Variants in SYNPR observed in about 807,000 individuals in gnomAD.
The protein encoded by SYNPR is synaptoporin.
Under a neutral mutation model 32.9 loss-of-function variants are expected in SYNPR, and 23 were observed. The observed-to-expected ratio is 0.70, with a 90% CI of 0.50 to 0.99. The LOEUF (loss-of-function observed/expected upper bound fraction) is 0.99. Among genes scored for constraint, SYNPR ranks in the 50% least tolerant of loss-of-function variants. The pLI is 0.00. For missense variants in SYNPR, 318 were observed against 349.3 expected, an observed-to-expected ratio of 0.91 and a Z score of 0.71; for synonymous variants, 146 against 135.9, an observed-to-expected ratio of 1.07 and a Z score of -0.52.
intron 2 of SYNPR, among the ~76,000 whole-genome samples, chr3:63,357,422 C>G (rs1389326072): frequency 1.3e-5 from 2 of 152,170 alleles, no homozygotes; most frequent in Admixed American, 6.5e-5. Flanking sequence ...TCCATCTCAG[C>G]TAGCCATGAG....
Position 63,556,601 on chromosome 3 carries a change from G to A in SYNPR, c.268G>A (p.Ala90Thr). The A allele has an allele frequency of 2.5e-6, 4 of 1,613,776 alleles. No homozygotes were observed. The highest frequency in any genetic ancestry group is 3.4e-6 in the Non-Finnish European group (4 of 1,179,790). Residue 90 changes from alanine (A) to threonine (T), a missense_variant, in exon 4 of 6, where the codon GCA (alanine) becomes ACA (threonine). By Grantham distance (58) the Ala-to-Thr change is moderately conservative. Transcript: ENST00000478300. ...CGAGGGAAAGGAACGGCAGAAGCTG[G>A]CATTGATTGGTGACTCCTCGTCTTC... ...TCEGKERQKL[A>T]LIGDSSSSAE... is the part of the protein sequence containing the mutation.
the SYNPR span, among the ~76,000 whole-genome samples, chr3:63,220,577 CACTTTCTGTGGG>C: frequency 6.6e-6 from 1 of 152,158 alleles, no homozygotes; most frequent in East Asian, 1.9e-4. Context: ...CTTTCCTGGT[CACTTTCTGTGGG>C]ATTTCTGGTG....
Position 63,586,597 on chromosome 3 carries a change from T to C in SYNPR, c.409-22528T>C, listed in dbSNP as rs189191422. Among the ~76,000 whole-genome samples, 351 of 151,930 alleles carry C rather than the reference T, an allele frequency of 2.3e-3. 2 individuals are homozygous for C. The highest frequency in any genetic ancestry group is 7.6e-3 in the African/African-American group (317 of 41,484). On this transcript the variant is annotated intron_variant, in intron 4 of 5. Transcript: ENST00000478300. Reference sequence around the variant, plus strand: ...GCCGATATTTGAGGCCTAATGATTTTTCCTTTAAGCGTCTCTACCAAATGT... The same window carrying C: ...GCCGATATTTGAGGCCTAATGATTTCTCCTTTAAGCGTCTCTACCAAATGT...
At chr3:63,455,165 C>A (rs1210207998) in intron 2 of SYNPR, among the ~76,000 whole-genome samples, 6 of 152,058 alleles carry the variant, frequency 3.9e-5, no homozygotes, top group Non-Finnish European at 8.8e-5. Flanking sequence ...TTACCTCTCT[C>A]CTTATTCTCT....
At chr3:63,341,455 T>C (rs1205081437) in intron 2 of SYNPR, among the ~76,000 whole-genome samples, 1 of 152,206 alleles carries the variant, frequency 6.6e-6, no homozygotes, top group Non-Finnish European at 1.5e-5. Context: ...GACTGTACCA[T>C]TTTGTGTCTC....
At chr3:63,341,541 A>G (rs2087370986) in intron 2 of SYNPR, among the ~76,000 whole-genome samples, 1 of 152,168 alleles carries the variant, frequency 6.6e-6, no homozygotes, top group South Asian at 2.1e-4. Flanking sequence ...TTGGATTTTA[A>G]CCACTCTAAT....
Position 63,495,659 on chromosome 3 carries a change from T to A in SYNPR, c.209+14703T>A, listed in dbSNP as rs188331490. On this transcript the variant is annotated intron_variant, in intron 3 of 5. Coordinates refer to ENST00000478300, the MANE Select transcript of SYNPR (RefSeq NM_001130003.2). ...TGTTTAAGTTAAATTTTCTGTTGTT[T>A]ATAACCACATTTTAAAATATCCTTT... Among the ~76,000 whole-genome samples, 261 of 152,356 alleles carry A rather than the reference T, an allele frequency of 1.7e-3. 2 individuals carry two copies. Among genetic ancestry groups the A allele is most frequent in the African/African-American group, 6.0e-3 (250 of 41,584 alleles).
At chr3:63,264,084 T>C (rs1214877515) in intron 2 of SYNPR, among the ~76,000 whole-genome samples, 1 of 152,204 alleles carries the variant, frequency 6.6e-6, no homozygotes, top group East Asian at 1.9e-4. Flanking sequence ...TGGGTCTTTC[T>C]GTCTCCACAA....
At chr3:63,491,543 G>C (rs1701256721) in intron 3 of SYNPR, among the ~76,000 whole-genome samples, 1 of 151,732 alleles carries the variant, frequency 6.6e-6, no homozygotes, top group African/African-American at 2.4e-5. Flanking sequence ...TTTTTTTTGA[G>C]ACAGTCTTGC....
At chr3:63,321,400 C>T (rs578253304) in intron 2 of SYNPR, among the ~76,000 whole-genome samples, 2 of 151,920 alleles carry the variant, frequency 1.3e-5, no homozygotes, top group Non-Finnish European at 2.9e-5. Flanking sequence ...TTGTGAGGGT[C>T]AAATATTCCC....
At chr3:63,350,465 A>C (rs916565910) in intron 2 of SYNPR, among the ~76,000 whole-genome samples, 1 of 152,132 alleles carries the variant, frequency 6.6e-6, no homozygotes, top group Non-Finnish European at 1.5e-5. Flanking sequence ...TCGTGATAGG[A>C]GGAGAAAGAA....
At chr3:63,358,561 C>T (rs1276999268) in intron 2 of SYNPR, among the ~76,000 whole-genome samples, 2 of 152,044 alleles carry the variant, frequency 1.3e-5, no homozygotes, top group Admixed American at 6.6e-5. Context: ...AGGTTCACAG[C>T]TTTCAGGGAT....
intron 2 of SYNPR, among the ~76,000 whole-genome samples, chr3:63,476,519 C>A (rs924108732): frequency 3.3e-5 from 5 of 152,116 alleles, no homozygotes; most frequent in African/African-American, 1.2e-4. Context: ...ACATGGAGAA[C>A]CTCAGGTCAT....
At chr3:63,372,964 A>G (rs1036837013) in intron 2 of SYNPR, among the ~76,000 whole-genome samples, 4 of 152,134 alleles carry the variant, frequency 2.6e-5, no homozygotes, top group Middle Eastern at 3.2e-3. Flanking sequence ...AAACTTCAAC[A>G]CCAAAAATCC....
intron 3 of SYNPR, among the ~76,000 whole-genome samples, chr3:63,488,850 G>T (rs1380492079): frequency 2.0e-5 from 3 of 150,064 alleles, no homozygotes; most frequent in Non-Finnish European, 4.5e-5. Context: ...CCAAATATGT[G>T]CCATGGCTGC....
intron 2 of SYNPR, among the ~76,000 whole-genome samples, chr3:63,261,042 T>C (rs1374296803): frequency 6.6e-6 from 1 of 152,068 alleles, no homozygotes; most frequent in Non-Finnish European, 1.5e-5. Flanking sequence ...CTTAGAATGG[T>C]GATCATTAAA....
chr3:63,594,048 C>G (rs1575728203), intron 4 of SYNPR, among the ~76,000 whole-genome samples: 1 of 152,152 alleles, frequency 6.6e-6, no homozygotes, highest in African/African-American at 2.4e-5. Context: ...GGTACCCAAC[C>G]TCTCTATTTA....
intron 2 of SYNPR, among the ~76,000 whole-genome samples, chr3:63,361,225 A>G (rs964666439): frequency 6.6e-6 from 1 of 152,152 alleles, no homozygotes; most frequent in Non-Finnish European, 1.5e-5. Context: ...TTACACCTGC[A>G]GGATGGTGTG....
intron 2 of SYNPR, among the ~76,000 whole-genome samples, chr3:63,266,688 C>G (rs1370841452): frequency 3.3e-5 from 3 of 90,720 alleles, no homozygotes; most frequent in Non-Finnish European, 6.7e-5. Context: ...GCCTGGGCGA[C>G]AAGAGCAAAA....
Sources: allele counts gnomAD v4.1 joint callset (sites outside exome capture counted in the v4.1 genomes callset), GRCh38; gene constraint gnomAD v4.1.1; transcripts MANE v1.5; gene names NCBI Gene and HGNC (gene_info 2026-07-23, HGNC 2026-07-21).